GRIK2: variants seen among roughly 807,000 people sequenced by gnomAD.
The protein encoded by GRIK2 is glutamate ionotropic receptor kainate type subunit 2.
Under a neutral mutation model 100.3 loss-of-function variants are expected in GRIK2, and 32 were observed. The observed-to-expected ratio is 0.32, with a 90% CI of 0.24 to 0.43. The LOEUF (loss-of-function observed/expected upper bound fraction) is 0.43, where lower values mean the gene tolerates loss of function less well. Among genes scored for constraint, GRIK2 ranks in the 20% least tolerant of loss-of-function variants. The pLI is 1.00. For synonymous variants in GRIK2, 417 were observed against 389.4 expected, an observed-to-expected ratio of 1.07 and a Z score of -0.83; for missense variants, 843 against 1,114.9, an observed-to-expected ratio of 0.76 and a Z score of 3.47.
At chr6:101,657,133 G>A (rs1407248911) in intron 4 of GRIK2, among the ~76,000 whole-genome samples, 2 of 152,190 alleles carry the variant, frequency 1.3e-5, no homozygotes, top group Non-Finnish European at 2.9e-5. Flanking sequence ...TTTACTGAGT[G>A]ATATTGATAG....
intron 9 of GRIK2, among the ~76,000 whole-genome samples, chr6:101,814,800 C>A (rs1583199692): frequency 6.6e-6 from 1 of 152,034 alleles, no homozygotes; most frequent in African/African-American, 2.4e-5. Context: ...TTCATATGAT[C>A]ATTTTGTGTA....
intron 11 of GRIK2, among the ~76,000 whole-genome samples, chr6:101,884,738 T>G (rs1391643970): frequency 6.6e-6 from 1 of 152,152 alleles, no homozygotes; most frequent in Non-Finnish European, 1.5e-5. Context: ...AAAGTTTCAA[T>G]TAAAAATTCT....
intron 7 of GRIK2, among the ~76,000 whole-genome samples, chr6:101,753,314 G>C (rs1057041231): frequency 6.7e-6 from 1 of 148,420 alleles, no homozygotes. Context: ...AAAATAACAC[G>C]ATCACCATGT....
At chr6:101,510,356 A>G (rs1352119709) in intron 2 of GRIK2, among the ~76,000 whole-genome samples, 3 of 152,106 alleles carry the variant, frequency 2.0e-5, no homozygotes, top group Admixed American at 2.0e-4. Context: ...TCTGGTGGTC[A>G]TGGTTGAAAT....
At chr6:101,734,128 A>C (rs1390124824) in intron 7 of GRIK2, among the ~76,000 whole-genome samples, 3 of 151,978 alleles carry the variant, frequency 2.0e-5, no homozygotes, top group African/African-American at 7.3e-5. Context: ...GCAGCACCAC[A>C]CTCTTGTTAC....
intron 7 of GRIK2, among the ~76,000 whole-genome samples, chr6:101,795,501 A>C (rs181253086): frequency 6.6e-6 from 1 of 152,182 alleles, no homozygotes; most frequent in East Asian, 1.9e-4. Flanking sequence ...AGGTGGGCCA[A>C]TTGTTGGGCC....
chr6:101,412,489 T>A (rs989229087), intron 2 of GRIK2, among the ~76,000 whole-genome samples: 33 of 152,062 alleles, frequency 2.2e-4, no homozygotes, highest in African/African-American at 4.8e-5. Flanking sequence ...TCCAAAGTAT[T>A]AATATCATGA....
At chr6:101,830,546 C>A (rs1782611959) in intron 10 of GRIK2, among the ~76,000 whole-genome samples, 1 of 151,802 alleles carries the variant, frequency 6.6e-6, no homozygotes, top group Admixed American at 6.6e-5. Flanking sequence ...AAAAAGTGGG[C>A]AAAGAATATG....
At chr6:101,749,337 G>A (rs1252324854) in intron 7 of GRIK2, among the ~76,000 whole-genome samples, 2 of 152,050 alleles carry the variant, frequency 1.3e-5, no homozygotes, top group African/African-American at 4.8e-5. Context: ...TTGAACTCCT[G>A]ACCTTGAGTG....
intron 2 of GRIK2, among the ~76,000 whole-genome samples, chr6:101,478,649 G>A (rs1009682170): frequency 1.3e-5 from 2 of 151,564 alleles, no homozygotes; most frequent in Middle Eastern, 3.2e-3. Flanking sequence ...GAGTAGCTGG[G>A]ACTACAGGCG....
intron 7 of GRIK2, among the ~76,000 whole-genome samples, chr6:101,740,247 C>T (rs151223537): frequency 6.6e-6 from 1 of 152,116 alleles, no homozygotes; most frequent in African/African-American, 2.4e-5. Flanking sequence ...GCTTATCCTT[C>T]CCAAATACTC....
At chr6:101,823,460 T>TTAA (rs10668289) in intron 10 of GRIK2, among the ~76,000 whole-genome samples, 67,649 of 151,754 alleles carry the variant, frequency 0.45, 18,666 homozygotes, top group East Asian at 0.84. Flanking sequence ...TGCCCTAATT[T>TTAA]TATTGTTTGT....
At chr6:101,910,903 A>G (rs1251901399) in intron 12 of GRIK2, among the ~76,000 whole-genome samples, 2 of 133,948 alleles carry the variant, frequency 1.5e-5, no homozygotes, top group East Asian at 4.5e-4. Context: ...AGGTATCTTT[A>G]TCTAAGATAA....
At chr6:101,578,096 T>A (rs1211596447) in intron 2 of GRIK2, among the ~76,000 whole-genome samples, 1 of 152,198 alleles carries the variant, frequency 6.6e-6, no homozygotes, top group African/African-American at 2.4e-5. Context: ...GGAAAGAACA[T>A]CTGTACCCTA....
chr6:101,393,764 G>C lies in GRIK2; in HGVS notation c.-367G>C, dbSNP rs529684903. Among the ~76,000 whole-genome samples the C allele has an allele frequency of 4.3e-3, 650 of 152,106 alleles. 3 individuals carry two copies. Among genetic ancestry groups the C allele is most frequent in the Middle Eastern group, 0.017 (5 of 292 alleles). On this transcript the variant is annotated 5_prime_UTR_variant, in exon 1 of 17. Coordinates refer to ENST00000369134, the MANE Select transcript of GRIK2 (RefSeq NM_021956.5). ...CGGTCTGGTAGCTGGGGACTTTTCC[G>C]CCCGACCTCCTCCGGCTGCTCCTCC...
At chr6:102,043,609 T>C (rs1177062248) in intron 15 of GRIK2, among the ~76,000 whole-genome samples, 1 of 151,984 alleles carries the variant, frequency 6.6e-6, no homozygotes, top group Non-Finnish European at 1.5e-5. Flanking sequence ...TAGGGCTGAA[T>C]AGTATTCCAT....
At chr6:101,417,416 C>T (rs1200374630) in intron 2 of GRIK2, among the ~76,000 whole-genome samples, 1 of 152,158 alleles carries the variant, frequency 6.6e-6, no homozygotes, top group Non-Finnish European at 1.5e-5. Context: ...ACAACCTCAG[C>T]ACAAATGTTT....
chr6:101,581,108 A>G (rs1778062869), intron 2 of GRIK2, among the ~76,000 whole-genome samples: 1 of 151,792 alleles, frequency 6.6e-6, no homozygotes, highest in African/African-American at 2.4e-5. Flanking sequence ...AGTGCCCAGC[A>G]CACATTAGGC....
At chr6:101,973,156 T>TA (rs1460645166) in intron 14 of GRIK2, among the ~76,000 whole-genome samples, 1 of 151,894 alleles carries the variant, frequency 6.6e-6, no homozygotes, top group East Asian at 1.9e-4. Context: ...TAATAGGGCA[T>TA]AAAAACTTCA....
Sources: gnomAD v4.1 joint callset for allele counts (sites outside exome capture counted in the v4.1 genomes callset) on GRCh38, gnomAD v4.1.1 for gene constraint, MANE v1.5 for transcripts, NCBI Gene and HGNC (gene_info 2026-07-23, HGNC 2026-07-21) for gene names.